KCNMA1: variants seen among roughly 807,000 people sequenced by gnomAD.
KCNMA1 encodes potassium calcium-activated channel subfamily M alpha 1.
KCNMA1 carries 29 observed loss-of-function variants against 140.0 expected under a neutral mutation model. That is an observed-to-expected ratio of 0.21 (90% confidence interval 0.15 to 0.28). KCNMA1 has a LOEUF of 0.28. Ranked by LOEUF, KCNMA1 falls within the 10% of genes least tolerant of loss-of-function variation. The pLI, the probability that KCNMA1 is intolerant of heterozygous loss-of-function variation, is 1.00. For synonymous variants in KCNMA1, 612 were observed against 611.9 expected (o/e 1.00, Z 0.00); for missense variants, 880 against 1,602.2 (o/e 0.55, Z 7.70).
chr10:77,478,505 T>C (rs1042143009), intron 1 of KCNMA1, among the ~76,000 whole-genome samples: 1 of 152,124 alleles, frequency 6.6e-6, no homozygotes, highest in Non-Finnish European at 1.5e-5. Context: ...CACAGAGTGC[T>C]GGAGACAAGA....
At chr10:76,924,647 T>C (rs1031369722) in intron 23 of KCNMA1, among the ~76,000 whole-genome samples, 3 of 152,146 alleles carry the variant, frequency 2.0e-5, no homozygotes, top group Admixed American at 6.6e-5. Flanking sequence ...TCCACTTGAT[T>C]TGGCAGTTAA....
intron 2 of KCNMA1, among the ~76,000 whole-genome samples, chr10:77,395,976 T>G (rs751339913): frequency 1.1e-4 from 17 of 152,184 alleles, no homozygotes; most frequent in Non-Finnish European, 1.9e-4. Context: ...AAAAAAAGAA[T>G]GTATCTTCTT....
At chr10:76,963,989 G>C (rs2072823035) in intron 20 of KCNMA1, among the ~76,000 whole-genome samples, 1 of 152,006 alleles carries the variant, frequency 6.6e-6, no homozygotes, top group Non-Finnish European at 1.5e-5. Context: ...AACTGGATCT[G>C]CCTCATTCTT....
intron 14 of KCNMA1, among the ~76,000 whole-genome samples, chr10:77,054,860 GA>G (rs1462521253): frequency 2.0e-5 from 3 of 152,156 alleles, no homozygotes; most frequent in Admixed American, 6.5e-5. Flanking sequence ...GTTTGAAGTT[GA>G]AACGGCCACC....
chr10:77,504,013 G>A (rs1047994775), intron 1 of KCNMA1, among the ~76,000 whole-genome samples: 16 of 152,160 alleles, frequency 1.1e-4, no homozygotes, highest in East Asian at 1.9e-4. Flanking sequence ...GGGGCAGGGC[G>A]CAGGTGGCTG....
At chr10:76,984,639 A>T (rs1416231729) in intron 19 of KCNMA1, among the ~76,000 whole-genome samples, 1 of 152,214 alleles carries the variant, frequency 6.6e-6, no homozygotes, top group African/African-American at 2.4e-5. Flanking sequence ...ATTTGTGTAA[A>T]TAGATATTAG....
At chr10:77,177,241 TCTTC>T (rs917532861) in intron 5 of KCNMA1, among the ~76,000 whole-genome samples, 1 of 152,046 alleles carries the variant, frequency 6.6e-6, no homozygotes, top group Non-Finnish European at 1.5e-5. Context: ...CCTCTCTCTT[TCTTC>T]CTTCCTTCCT....
At position 77,093,143 on chromosome 10, in the gene KCNMA1, C is replaced by T. The variant is rs566960771; in HGVS notation, c.1224-2633G>A. On this transcript the variant is annotated intron_variant, in intron 9 of 27. Coordinates refer to ENST00000286628, the MANE Select transcript of KCNMA1 (RefSeq NM_001161352.2). ...TTCATTTGGTGCTAGCTATCCAATACCATTCTAGACAATTGAAAATATATA... is the reference window on the plus strand; with the variant it reads ...TTCATTTGGTGCTAGCTATCCAATATCATTCTAGACAATTGAAAATATATA... 1.6e-4 allele frequency among the ~76,000 whole-genome samples: 24 copies of T among 152,224 alleles called. No homozygotes were observed. The South Asian group carries it at 3.7e-3, about 24-fold the overall frequency.
chr10:77,501,732 T>C (rs770335701), intron 1 of KCNMA1, among the ~76,000 whole-genome samples: 1 of 152,144 alleles, frequency 6.6e-6, no homozygotes, highest in Admixed American at 6.5e-5. Context: ...CAGGATGCTG[T>C]CCTCAAGTAC....
intron 1 of KCNMA1, among the ~76,000 whole-genome samples, chr10:77,474,193 C>T (rs570257710): frequency 6.1e-4 from 93 of 152,328 alleles, no homozygotes; most frequent in African/African-American, 2.0e-3. Context: ...AAATCACACA[C>T]GGCATGATGT....
At chr10:77,317,086 G>A (rs766869425) in intron 2 of KCNMA1, among the ~76,000 whole-genome samples, 10 of 152,124 alleles carry the variant, frequency 6.6e-5, no homozygotes, top group African/African-American at 1.9e-4. Context: ...ATCACACAGC[G>A]TCACGTACCT....
intron 19 of KCNMA1, among the ~76,000 whole-genome samples, chr10:76,997,022 C>T (rs1361695549): frequency 6.6e-6 from 1 of 152,130 alleles, no homozygotes; most frequent in Admixed American, 6.6e-5. Context: ...CACCCCCTGC[C>T]CTTGTATCTG....
intron 15 of KCNMA1, among the ~76,000 whole-genome samples, chr10:77,032,927 G>C (rs141877331): frequency 1.3e-5 from 2 of 152,238 alleles, no homozygotes; most frequent in African/African-American, 2.4e-5. Flanking sequence ...ATGGAAACCT[G>C]TCATAGAGTT....
chr10:77,270,603 C>A (rs2064799586), intron 2 of KCNMA1, among the ~76,000 whole-genome samples: 1 of 151,432 alleles, frequency 6.6e-6, no homozygotes, highest in South Asian at 2.1e-4. Context: ...CTCACTGCAA[C>A]CTCTGCCTCC....
chr10:77,439,393 C>T (rs973101761), intron 1 of KCNMA1, among the ~76,000 whole-genome samples: 6 of 152,256 alleles, frequency 3.9e-5, no homozygotes, highest in Middle Eastern at 3.4e-3. Flanking sequence ...AATAATTTGG[C>T]CTCTTCTGAA....
chr10:76,945,885 C>T (rs2063802765), intron 22 of KCNMA1, among the ~76,000 whole-genome samples: 1 of 151,876 alleles, frequency 6.6e-6, no homozygotes, highest in Admixed American at 6.5e-5. Flanking sequence ...GAAAAATAGC[C>T]ATTACACTAA....
chr10:77,063,025 G>A (rs2095811822), intron 14 of KCNMA1, among the ~76,000 whole-genome samples: 6 of 152,212 alleles, frequency 3.9e-5, no homozygotes. Flanking sequence ...TACAACTGAA[G>A]AAAGGTCAGA....
intron 1 of KCNMA1, among the ~76,000 whole-genome samples, chr10:77,571,976 T>C (rs185860167): frequency 2.0e-5 from 3 of 152,200 alleles, no homozygotes; most frequent in Admixed American, 1.3e-4. Flanking sequence ...ATAAGGCTAA[T>C]GGAAGGGAGG....
chr10:77,167,811 T>TTCCACCTC (rs2098660287), intron 5 of KCNMA1, among the ~76,000 whole-genome samples: 1 of 151,820 alleles, frequency 6.6e-6, no homozygotes, highest in Non-Finnish European at 1.5e-5. Context: ...AGCCCCCAAA[T>TTCCACCTC]AGCAGGAACT....
Sources: gnomAD v4.1 joint callset for allele counts (sites outside exome capture counted in the v4.1 genomes callset) on GRCh38, gnomAD v4.1.1 for gene constraint, MANE v1.5 for transcripts, NCBI Gene and HGNC (gene_info 2026-07-23, HGNC 2026-07-21) for gene names.